Variants in SLC24A2 observed in about 807,000 individuals in gnomAD.
The protein encoded by SLC24A2 is solute carrier family 24 member 2, also known as sodium/potassium/calcium exchanger 2.
In SLC24A2, 36 loss-of-function variants were observed where a neutral mutation model predicts 62.0. The ratio of observed to expected loss-of-function variants is 0.58; its 90% CI spans 0.44 to 0.77. The LOEUF is 0.77. Among genes scored for constraint, SLC24A2 ranks in the 30% least tolerant of loss-of-function variants. The pLI, the probability that SLC24A2 is intolerant of heterozygous loss-of-function variation, is 0.00. For missense variants in SLC24A2, 846 were observed against 817.9 expected, an observed-to-expected ratio of 1.03 and a Z score of -0.42; for synonymous variants, 358 against 294.0, an observed-to-expected ratio of 1.22 and a Z score of -2.23.
intron 2 of SLC24A2, among the ~76,000 whole-genome samples, chr9:19,724,088 T>C (rs1821104354): frequency 6.6e-6 from 1 of 152,220 alleles, no homozygotes. Context: ...CATAATTTAA[T>C]TTCCTATATA....
chr9:20,230,866 G>C, the SLC24A2 span, among the ~76,000 whole-genome samples: 20,506 of 152,118 alleles, frequency 0.13, 1,607 homozygotes, highest in African/African-American at 0.21. Context: ...TATGGTTTTA[G>C]GTCTAACATG....
chr9:19,734,929 C>A (rs1328754904), intron 2 of SLC24A2, among the ~76,000 whole-genome samples: 5 of 151,868 alleles, frequency 3.3e-5, no homozygotes, highest in East Asian at 1.9e-4. Context: ...CTAGGCAATA[C>A]CATTCAGGAC....
At chr9:20,120,720 T>C in the SLC24A2 span, among the ~76,000 whole-genome samples, 2 of 151,874 alleles carry the variant, frequency 1.3e-5, no homozygotes, top group Non-Finnish European at 2.9e-5. Context: ...GAAAAAAAAA[T>C]AAGGAAAAGC....
At chr9:19,736,610 G>A (rs1198932277) in intron 2 of SLC24A2, among the ~76,000 whole-genome samples, 1 of 152,040 alleles carries the variant, frequency 6.6e-6, no homozygotes, top group Non-Finnish European at 1.5e-5. Flanking sequence ...AGGCTGAAGT[G>A]GGGAGATCAC....
chr9:19,889,494 T>C, the SLC24A2 span, among the ~76,000 whole-genome samples: 2 of 151,720 alleles, frequency 1.3e-5, no homozygotes, highest in Non-Finnish European at 1.5e-5. Flanking sequence ...CCTCCATTCA[T>C]GCTTAGCAAT....
the SLC24A2 span, among the ~76,000 whole-genome samples, chr9:19,796,561 G>A: frequency 6.6e-6 from 1 of 152,218 alleles, no homozygotes; most frequent in African/African-American, 2.4e-5. Context: ...GGGCACAGGA[G>A]GAAAATGTTT....
the SLC24A2 span, among the ~76,000 whole-genome samples, chr9:20,005,858 A>C: frequency 7.9e-6 from 1 of 126,934 alleles, no homozygotes. Context: ...CCCATTCCCT[A>C]CTCCATTAAA....
the SLC24A2 span, among the ~76,000 whole-genome samples, chr9:19,824,330 A>G: frequency 7.2e-5 from 11 of 152,232 alleles, no homozygotes; most frequent in African/African-American, 2.7e-4. Context: ...TTTACAAGAA[A>G]AAAACAACCC....
the SLC24A2 span, among the ~76,000 whole-genome samples, chr9:19,894,519 A>G: frequency 6.6e-6 from 1 of 151,706 alleles, no homozygotes; most frequent in East Asian, 1.9e-4. Flanking sequence ...GTTTTTTTTT[A>G]TCTCTAGCAT....
At chr9:19,572,296 G>A (rs1246019086) in intron 7 of SLC24A2, among the ~76,000 whole-genome samples, 1 of 148,056 alleles carries the variant, frequency 6.8e-6, no homozygotes, top group African/African-American at 2.5e-5. Flanking sequence ...AGCTACTAAT[G>A]CCTACACCTT....
the SLC24A2 span, among the ~76,000 whole-genome samples, chr9:19,921,584 C>A: frequency 6.6e-6 from 1 of 151,056 alleles, no homozygotes; most frequent in Admixed American, 6.6e-5. Context: ...ATTGAATAAT[C>A]TCACTTCAAT....
intron 7 of SLC24A2, among the ~76,000 whole-genome samples, chr9:19,560,926 GAGAGAGA>G (rs1563965535): frequency 1.4e-5 from 2 of 142,210 alleles, no homozygotes; most frequent in African/African-American, 5.4e-5. Context: ...TAGAGAGAGA[GAGAGAGA>G]GAGAGAGAGA....
intron 2 of SLC24A2, among the ~76,000 whole-genome samples, chr9:19,633,008 T>G (rs1818217398): frequency 6.6e-6 from 1 of 152,208 alleles, no homozygotes; most frequent in African/African-American, 2.4e-5. Flanking sequence ...CAACCACTAT[T>G]CTGTTATCAA....
At chr9:20,162,443 T>C in the SLC24A2 span, among the ~76,000 whole-genome samples, 13 of 151,768 alleles carry the variant, frequency 8.6e-5, no homozygotes, top group East Asian at 1.9e-4. Context: ...GAAGTTGAAT[T>C]TCTGAATAGA....
the SLC24A2 span, among the ~76,000 whole-genome samples, chr9:19,985,064 TA>T: frequency 6.6e-6 from 1 of 152,098 alleles, no homozygotes; most frequent in Non-Finnish European, 1.5e-5. Flanking sequence ...GTTCAAATTT[TA>T]AAAAGACTGA....
chr9:19,732,872 T>G (rs945817824), intron 2 of SLC24A2, among the ~76,000 whole-genome samples: 2 of 152,012 alleles, frequency 1.3e-5, no homozygotes, highest in Non-Finnish European at 2.9e-5. Flanking sequence ...GCAGCCCCAG[T>G]GTAAAAAAAA....
chr9:20,141,103 C>G, the SLC24A2 span, among the ~76,000 whole-genome samples: 4 of 152,248 alleles, frequency 2.6e-5, no homozygotes, highest in South Asian at 8.3e-4. Flanking sequence ...ATCCGCCCAC[C>G]ATGTAGTGGC....
At chr9:19,597,390 C>A (rs1836730742) in intron 4 of SLC24A2, 111 bp from the exon 5 acceptor site, 3 of 793,290 alleles carry the variant, frequency 3.8e-6, no homozygotes, top group South Asian at 2.8e-5. Context: ...TCAAATTTTG[C>A]AATCGTAACT....
At chr9:19,756,315 A>T (rs75472735) in intron 2 of SLC24A2, among the ~76,000 whole-genome samples, 2,582 of 152,336 alleles carry the variant, frequency 0.017, 73 homozygotes, top group African/African-American at 0.059. Context: ...TTTTAAAAAA[A>T]CTATAGAAAT....
Sources: allele counts gnomAD v4.1 joint callset (sites outside exome capture counted in the v4.1 genomes callset), GRCh38; gene constraint gnomAD v4.1.1; transcripts MANE v1.5; gene names NCBI Gene and HGNC (gene_info 2026-07-23, HGNC 2026-07-21).